The following MARCHF1 variants were observed in gnomAD, a reference collection of about 807,000 sequenced individuals.
The protein encoded by MARCHF1 is membrane associated ring-CH-type finger 1.
In MARCHF1, 40 loss-of-function variants were observed where a neutral mutation model predicts 54.2. The observed-to-expected ratio is 0.74, with a 90% CI of 0.57 to 0.96. The LOEUF is 0.96. Ranked by LOEUF, MARCHF1 falls within the 40% of genes least tolerant of loss-of-function variation. The pLI is 0.00. For synonymous variants in MARCHF1, 236 were observed against 236.3 expected (o/e 1.00, Z 0.01); for missense variants, 586 against 656.5 (o/e 0.89, Z 1.17).
chr4:163,814,543 C>A (rs1748482643), intron 4 of MARCHF1, among the ~76,000 whole-genome samples: 1 of 152,152 alleles, frequency 6.6e-6, no homozygotes, highest in Non-Finnish European at 1.5e-5. Context: ...GAGATCAAGC[C>A]ATTGCACTCT....
chr4:164,125,102 A>G (rs1475349593), intron 1 of MARCHF1, among the ~76,000 whole-genome samples: 1 of 152,176 alleles, frequency 6.6e-6, no homozygotes, highest in East Asian at 1.9e-4. Context: ...ATTTTAAAAT[A>G]GAATTCAACT....
chr4:163,631,125 C>A (rs1490825482), intron 5 of MARCHF1, among the ~76,000 whole-genome samples: 2 of 151,774 alleles, frequency 1.3e-5, no homozygotes, highest in African/African-American at 4.8e-5. Flanking sequence ...AGACATGAAG[C>A]ATATTAGGTA....
At chr4:163,877,148 T>C (rs1057466841) in intron 3 of MARCHF1, among the ~76,000 whole-genome samples, 1 of 152,210 alleles carries the variant, frequency 6.6e-6, no homozygotes, top group Non-Finnish European at 1.5e-5. Context: ...TAAATGATAA[T>C]GACAGCATTA....
intron 4 of MARCHF1, among the ~76,000 whole-genome samples, chr4:163,852,115 G>A (rs2111165042): frequency 6.6e-6 from 1 of 152,196 alleles, no homozygotes; most frequent in African/African-American, 2.4e-5. Flanking sequence ...TGAAGAAAAT[G>A]TCATCAAGAA....
At chr4:163,580,237 C>T (rs892974451) in intron 8 of MARCHF1, among the ~76,000 whole-genome samples, 1 of 151,962 alleles carries the variant, frequency 6.6e-6, no homozygotes, top group Non-Finnish European at 1.5e-5. Context: ...CACCACCACA[C>T]CCAGGTAATT....
intron 4 of MARCHF1, among the ~76,000 whole-genome samples, chr4:163,750,440 G>C (rs953484750): frequency 6.6e-6 from 1 of 151,676 alleles, no homozygotes; most frequent in African/African-American, 2.4e-5. Flanking sequence ...GAACCCAGGA[G>C]GCGGAGGTTG....
At chr4:163,656,924 T>C (rs7673319) in intron 5 of MARCHF1, among the ~76,000 whole-genome samples, 7,378 of 151,836 alleles carry the variant, frequency 0.049, 210 homozygotes, top group Middle Eastern at 0.075. Context: ...AATGAGACAT[T>C]TATGGCAGGC....
intron 4 of MARCHF1, among the ~76,000 whole-genome samples, chr4:163,735,030 C>T (rs997168155): frequency 1.3e-5 from 2 of 152,052 alleles, no homozygotes; most frequent in Non-Finnish European, 2.9e-5. Flanking sequence ...CTTTTGACAC[C>T]GAACATAAGC....
intron 4 of MARCHF1, among the ~76,000 whole-genome samples, chr4:163,839,096 G>T (rs1194176084): frequency 1.3e-5 from 2 of 151,924 alleles, no homozygotes; most frequent in South Asian, 2.1e-4. Flanking sequence ...AAGATATATG[G>T]ATAGCTAATA....
At chr4:164,028,159 T>C (rs957005998) in intron 2 of MARCHF1, among the ~76,000 whole-genome samples, 4 of 152,302 alleles carry the variant, frequency 2.6e-5, no homozygotes, top group Non-Finnish European at 5.9e-5. Flanking sequence ...AGAAAGCAGT[T>C]TGGAGATCTG....
At chr4:164,194,636 T>C (rs988748777) in intron 1 of MARCHF1, among the ~76,000 whole-genome samples, 1 of 152,182 alleles carries the variant, frequency 6.6e-6, no homozygotes, top group Non-Finnish European at 1.5e-5. Context: ...CTGACTAATA[T>C]CAAATGTTAA....
chr4:164,114,586 A>G (rs1374554978), intron 1 of MARCHF1, among the ~76,000 whole-genome samples: 2 of 151,618 alleles, frequency 1.3e-5, no homozygotes, highest in African/African-American at 2.4e-5. Context: ...TTCCCAGTAT[A>G]TAAGTATTAT....
intron 2 of MARCHF1, among the ~76,000 whole-genome samples, chr4:164,027,073 A>T (rs888880578): frequency 6.6e-6 from 1 of 152,104 alleles, no homozygotes; most frequent in Non-Finnish European, 1.5e-5. Flanking sequence ...CTGCTGAAAG[A>T]AACCAGAAAT....
chr4:163,979,521 AT>A (rs1752719031), intron 3 of MARCHF1, among the ~76,000 whole-genome samples: 1 of 135,602 alleles, frequency 7.4e-6, no homozygotes, highest in Admixed American at 7.6e-5. Context: ...ATTTATAGTC[AT>A]TTGGGTATAT....
chr4:163,846,781 A>G (rs1749496059), intron 4 of MARCHF1, among the ~76,000 whole-genome samples: 1 of 152,096 alleles, frequency 6.6e-6, no homozygotes, highest in African/African-American at 2.4e-5. Context: ...AAAAGGTTTA[A>G]TATACAAGAT....
At chr4:163,808,905 A>T (rs1748304275) in intron 4 of MARCHF1, among the ~76,000 whole-genome samples, 1 of 152,158 alleles carries the variant, frequency 6.6e-6, no homozygotes, top group Non-Finnish European at 1.5e-5. Flanking sequence ...GTATTTGAGG[A>T]GAAAATAAGA....
chr4:163,591,532 C>A (rs557039729), intron 7 of MARCHF1, among the ~76,000 whole-genome samples: 1 of 152,154 alleles, frequency 6.6e-6, no homozygotes, highest in Non-Finnish European at 1.5e-5. Flanking sequence ...GGGGCAGGAT[C>A]TTTTTGTGGA....
At chr4:164,283,075 A>C (rs1399636914) in intron 1 of MARCHF1, among the ~76,000 whole-genome samples, 1 of 151,196 alleles carries the variant, frequency 6.6e-6, no homozygotes, top group Non-Finnish European at 1.5e-5. Flanking sequence ...GCTCCACCAG[A>C]TTCACATGAT....
rs149661980 is a variant in MARCHF1, at chr4:163,997,674, G to A, written c.-247-8965C>T. Among the ~76,000 whole-genome samples, 60 of 152,014 alleles carry A rather than the reference G, an allele frequency of 3.9e-4. 1 individual carries two copies. In the East Asian group the frequency reaches 0.011, roughly 27 times the overall value. ...ATGGTTCCTTATATAGAGAAACCTT[G>A]TATAGTAATATATTTTGCTAAAGAG... On this transcript the variant is annotated intron_variant, in intron 2 of 9. Coordinates refer to ENST00000514618, the MANE Select transcript of MARCHF1 (RefSeq NM_001394959.1).
Sources: gnomAD v4.1 joint callset for allele counts (sites outside exome capture counted in the v4.1 genomes callset) on GRCh38, gnomAD v4.1.1 for gene constraint, MANE v1.5 for transcripts, NCBI Gene and HGNC (gene_info 2026-07-23, HGNC 2026-07-21) for gene names.